The following HMGCLL1 variants were observed in gnomAD, a reference collection of about 807,000 sequenced individuals.
The protein encoded by HMGCLL1 is 3-hydroxymethyl-3-methylglutaryl-CoA lyase, cytoplasmic.
In HMGCLL1, 36 loss-of-function variants were observed where a neutral mutation model predicts 39.1. The ratio of observed to expected loss-of-function variants is 0.92; its 90% CI spans 0.71 to 1.22. The LOEUF is 1.22. Ranked by LOEUF, HMGCLL1 falls within the 50% of genes most tolerant of loss-of-function variation. The probability of loss-of-function intolerance (pLI) is 0.00; values close to 1 mark genes in which losing one functional copy is unlikely to be tolerated. For synonymous variants in HMGCLL1, 149 were observed against 144.0 expected (o/e 1.03, Z -0.25); for missense variants, 451 against 416.5 (o/e 1.08, Z -0.72).
At chr6:55,478,060 T>C (rs933814041) in intron 7 of HMGCLL1, among the ~76,000 whole-genome samples, 5 of 150,264 alleles carry the variant, frequency 3.3e-5, no homozygotes, top group Admixed American at 6.7e-5. Flanking sequence ...TGGAAAAATA[T>C]GTGAGCTACT....
the HMGCLL1 span, among the ~76,000 whole-genome samples, chr6:55,608,076 A>G: frequency 3.3e-5 from 5 of 152,134 alleles, no homozygotes; most frequent in African/African-American, 1.2e-4. Context: ...ATACACATTA[A>G]TTTGCCTCTT....
intron 7 of HMGCLL1, among the ~76,000 whole-genome samples, chr6:55,441,653 C>T (rs1280109174): frequency 1.3e-5 from 2 of 151,838 alleles, no homozygotes; most frequent in Non-Finnish European, 2.9e-5. Context: ...ACAGTTTCTC[C>T]GAACTATTTT....
At chr6:55,543,723 C>T (rs767711158) in intron 1 of HMGCLL1, among the ~76,000 whole-genome samples, 3 of 150,602 alleles carry the variant, frequency 2.0e-5, no homozygotes, top group Non-Finnish European at 4.4e-5. Flanking sequence ...ATTAGTCAGG[C>T]GTGATGGGGG....
the HMGCLL1 span, among the ~76,000 whole-genome samples, chr6:55,625,752 C>G: frequency 0.34 from 51,477 of 151,994 alleles, 9,066 homozygotes; most frequent in African/African-American, 0.42. Flanking sequence ...CTTGGAAGAA[C>G]CATGATTGGA....
At chr6:55,484,580 T>C (rs547338360) in intron 7 of HMGCLL1, among the ~76,000 whole-genome samples, 17 of 152,212 alleles carry the variant, frequency 1.1e-4, no homozygotes, top group African/African-American at 3.6e-4. Flanking sequence ...TGTCCACTCA[T>C]AGCCTTTTCC....
At chr6:55,637,142 C>A in the HMGCLL1 span, among the ~76,000 whole-genome samples, 1 of 152,132 alleles carries the variant, frequency 6.6e-6, no homozygotes, top group African/African-American at 2.4e-5. Flanking sequence ...AAGGAACTAG[C>A]ATACATCTGT....
chr6:55,658,180 A>C, the HMGCLL1 span, among the ~76,000 whole-genome samples: 1 of 151,984 alleles, frequency 6.6e-6, no homozygotes, highest in Non-Finnish European at 1.5e-5. Flanking sequence ...ACTTGAGAAT[A>C]GATGACAAAT....
At chr6:55,449,271 C>T (rs1300288620) in intron 7 of HMGCLL1, among the ~76,000 whole-genome samples, 5 of 152,178 alleles carry the variant, frequency 3.3e-5, no homozygotes, top group Admixed American at 2.6e-4. Flanking sequence ...ACAGTCTAGC[C>T]AATGGCATGC....
chr6:55,508,632 ACT>A (rs1312194506), intron 5 of HMGCLL1, among the ~76,000 whole-genome samples: 3 of 151,698 alleles, frequency 2.0e-5, no homozygotes, highest in Non-Finnish European at 4.4e-5. Context: ...ATGTTGCACA[ACT>A]CTCTTTTCAT....
chr6:55,469,091 G>A (rs1419421921), intron 7 of HMGCLL1, among the ~76,000 whole-genome samples: 1 of 150,254 alleles, frequency 6.7e-6, no homozygotes, highest in East Asian at 2.0e-4. Flanking sequence ...GTACTATGTT[G>A]AAATTAGAAC....
At chr6:55,653,805 TC>T in the HMGCLL1 span, among the ~76,000 whole-genome samples, 6 of 151,870 alleles carry the variant, frequency 4.0e-5, no homozygotes. Context: ...AAGTTCCACT[TC>T]CAGCATAGCA....
the HMGCLL1 span, among the ~76,000 whole-genome samples, chr6:55,678,614 C>G: frequency 6.6e-6 from 1 of 151,858 alleles, no homozygotes; most frequent in Non-Finnish European, 1.5e-5. Context: ...ACTGCATTAG[C>G]TCAGCAGTTA....
At chr6:55,629,769 G>A in the HMGCLL1 span, among the ~76,000 whole-genome samples, 1 of 152,148 alleles carries the variant, frequency 6.6e-6, no homozygotes, top group Non-Finnish European at 1.5e-5. Flanking sequence ...CTCAGGCCAT[G>A]TCTTCAGAGG....
intron 6 of HMGCLL1, among the ~76,000 whole-genome samples, chr6:55,498,001 A>C (rs1302317063): frequency 6.6e-6 from 1 of 152,176 alleles, no homozygotes; most frequent in Admixed American, 6.5e-5. Context: ...TAAGCACAAA[A>C]TGTATTAGAA....
chr6:55,659,646 C>A, the HMGCLL1 span, among the ~76,000 whole-genome samples: 1 of 151,958 alleles, frequency 6.6e-6, no homozygotes, highest in South Asian at 2.1e-4. Flanking sequence ...CACTGACTGG[C>A]TTAATTATAT....
At chr6:55,488,555 T>C (rs9475314) in intron 7 of HMGCLL1, among the ~76,000 whole-genome samples, 78,018 of 151,788 alleles carry the variant, frequency 0.51, 20,396 homozygotes, top group African/African-American at 0.62. Context: ...ATTCATAAAA[T>C]AATTCTAAAT....
chr6:55,495,704 A>G lies in HMGCLL1; in HGVS notation c.607-97T>C, dbSNP rs545682162. On this transcript the variant is annotated intron_variant, in intron 6 of 8. Coordinates refer to ENST00000274901, the MANE Select transcript of HMGCLL1 (RefSeq NM_001042406.2). Reference sequence around the variant, plus strand: ...ACATCATCTAAAGGTAAAAATTACAACTAATACCAGTAATGTCCATGAAAA... The same window carrying G: ...ACATCATCTAAAGGTAAAAATTACAGCTAATACCAGTAATGTCCATGAAAA... The G allele has an allele frequency of 1.3e-4, 104 of 772,202 alleles. 4 individuals are homozygous for G. The South Asian group carries it at 2.5e-3, about 18-fold the overall frequency. The allele number at this position is 772,202 out of a possible 1,614,324, so 47.8% of individuals were successfully genotyped here. A position where few individuals can be genotyped will look rare whatever the true frequency, so the allele number is the denominator to read the frequency against.
At position 55,543,188 on chromosome 6, in the gene HMGCLL1, A is replaced by AATATATTATATATTATATATT. The variant is rs1554155949; in HGVS notation, c.109-1069_109-1049dup. On this transcript the variant is annotated intron_variant, in intron 1 of 8. Transcript: ENST00000274901. ...ATATAATATATAATATATAATATAT[A>AATATATTATATATTATATATT]ATATATTATATATTATATATTATAT... 1.9e-3 allele frequency among the ~76,000 whole-genome samples: 14 copies of AATATATTATATATTATATATT among 7,342 alleles called. 4 individuals carry two copies. Among genetic ancestry groups the AATATATTATATATTATATATT allele is most frequent in the East Asian group, 0.011 (1 of 94 alleles). 4.8% of individuals were successfully genotyped at this position (7,342 alleles called of 152,430 possible). A position where few individuals can be genotyped will look rare whatever the true frequency, so the allele number is the denominator to read the frequency against.
intron 5 of HMGCLL1, among the ~76,000 whole-genome samples, chr6:55,503,814 A>C (rs1470950426): frequency 6.6e-6 from 1 of 151,646 alleles, no homozygotes; most frequent in African/African-American, 2.4e-5. Flanking sequence ...CACCTTTGTA[A>C]ACTTATTCAA....
Sources: allele counts gnomAD v4.1 joint callset (sites outside exome capture counted in the v4.1 genomes callset), GRCh38; gene constraint gnomAD v4.1.1; transcripts MANE v1.5; gene names NCBI Gene and HGNC (gene_info 2026-07-23, HGNC 2026-07-21).